Variants in NDUFB10 observed in about 807,000 individuals in gnomAD.
The protein encoded by NDUFB10 is NADH dehydrogenase [ubiquinone] 1 beta subcomplex subunit 10.
Under a neutral mutation model 19.0 loss-of-function variants are expected in NDUFB10, and 23 were observed. That is an observed-to-expected ratio of 1.21 (90% CI 0.87 to 1.71). NDUFB10 has a LOEUF of 1.71. NDUFB10 is among the 40% of genes most tolerant of loss of function. NDUFB10 has a pLI of 0.00. For missense variants in NDUFB10, 312 were observed against 230.6 expected (o/e 1.35, Z -2.29); for synonymous variants, 104 against 81.8 (o/e 1.27, Z -1.46).
Position 1,961,227 on chromosome 16 carries a change from A to T in NDUFB10, c.205A>T (p.Thr69Ser). The T allele has an allele frequency of 6.2e-7, 1 of 1,614,142 alleles. No homozygotes were observed. ...HRQYRRVPDI[T>S]ECKEEDIMCM... ...GCAGTACCGCCGCGTGCCAGACATC[A>T]CTGAGTGCAAGGAGGAGGACATCAT... The change falls in exon 2 of 4, where the codon ACT (threonine) becomes TCT (serine). Residue 69 changes from threonine to serine, a missense_variant. Coordinates refer to ENST00000268668, the MANE Select transcript of NDUFB10 (RefSeq NM_004548.3).
chr16:1,961,688 G>A (rs1305014330), intron 3 of NDUFB10, 52 bp downstream of exon 3: 29 of 1,543,800 alleles, frequency 1.9e-5, no homozygotes, highest in African/African-American at 2.7e-5. Flanking sequence ...AGGCCTGGGG[G>A]CCAGAACCAT....
Position 1,959,688 on chromosome 16 carries a change from A to C in NDUFB10, c.64A>C (p.Asn22His). ...EPPRRTPVQP[N>H]PIVYMMKAFD... ...CCCGCGCCGCACGCCGGTGCAGCCC[A>C]ATCCCATCGTCTACATGATGAAAGC... The change falls in exon 1 of 4, where the codon AAT becomes CAT. Residue 22 changes from asparagine to histidine, a missense_variant. Physicochemically the swap from Asn to His is moderately conservative, Grantham distance 68. Coordinates refer to ENST00000268668, the MANE Select transcript of NDUFB10 (RefSeq NM_004548.3). 1 of 1,613,370 alleles carries C rather than the reference A, an allele frequency of 6.2e-7. No individual in the cohort carries two copies. The highest frequency in any genetic ancestry group is 1.1e-5 in the South Asian group (1 of 91,080).
chr16:1,960,752 G>T (rs984106650), intron 1 of NDUFB10, among the ~76,000 whole-genome samples: 1 of 152,186 alleles, frequency 6.6e-6, no homozygotes, highest in East Asian at 1.9e-4. Flanking sequence ...CCGTAAGGTG[G>T]TAAGTTCTGC....
intron 1 of NDUFB10, among the ~76,000 whole-genome samples, chr16:1,960,366 C>G (rs1453005053): frequency 6.6e-6 from 1 of 152,150 alleles, no homozygotes; most frequent in South Asian, 2.1e-4. Context: ...GGATTACAGG[C>G]GCACCACCAC....
intron 1 of NDUFB10, among the ~76,000 whole-genome samples, chr16:1,960,568 G>A (rs1010177488): frequency 6.6e-6 from 1 of 152,184 alleles, no homozygotes; most frequent in South Asian, 2.1e-4. Context: ...TGCTCTGGTG[G>A]TTCTTCCGTA....
At position 1,961,581 on chromosome 16, in the gene NDUFB10, C is replaced by T. The variant is rs1476319853; in HGVS notation, c.354C>T (p.Asn118=). ...QQREGQNYQQ[N]CIKEVEQFTQ... Reference sequence around the variant, plus strand: ...GGGAAGGACAGAACTACCAGCAGAACTGTATCAAGGAAGTGGAGCAGTTCA... The same window carrying T: ...GGGAAGGACAGAACTACCAGCAGAATTGTATCAAGGAAGTGGAGCAGTTCA... Residue 118 remains asparagine, a synonymous_variant, in exon 3 of 4, where the codon AAC becomes AAT. Transcript: ENST00000268668. The T allele has an allele frequency of 2.5e-6, 4 of 1,613,986 alleles. No individual in the cohort carries two copies. In the African/African-American group the frequency reaches 5.3e-5, roughly 22 times the overall value.
At chr16:1,961,774 G>C (rs2083258123) in intron 3 of NDUFB10, 23 bp from the exon 4 acceptor site, 5 of 1,549,356 alleles carry the variant, frequency 3.2e-6, no homozygotes, top group Middle Eastern at 1.7e-4. Context: ...TCGGTTCCCA[G>C]CTTGTTTCCA....
At chr16:1,961,354 G>A in intron 2 of NDUFB10, 63 bp downstream of exon 2, 1 of 1,607,052 alleles carries the variant, frequency 6.2e-7, no homozygotes, top group Middle Eastern at 1.7e-4. Context: ...ACTAGTCCCT[G>A]GGATGCCACA....
At position 1,961,907 on chromosome 16, in the gene NDUFB10, G is replaced by A; in HGVS notation, c.*1G>A. ...AGAGGCCGCCGCTGCCACCTCCTGA[G>A]GCAGCTGTGGGTGCCCCTGCTGTGT... On this transcript the variant is annotated 3_prime_UTR_variant, in exon 4 of 4. Transcript: ENST00000268668. The A allele has an allele frequency of 6.4e-7, 1 of 1,556,518 alleles. No individual in the cohort carries two copies. The highest frequency in any genetic ancestry group is 8.7e-7 in the Non-Finnish European group (1 of 1,149,432).
At chr16:1,960,831 C>T (rs374828816) in intron 1 of NDUFB10, among the ~76,000 whole-genome samples, 81 of 152,354 alleles carry the variant, frequency 5.3e-4, no homozygotes, top group African/African-American at 1.8e-3. Flanking sequence ...GGGGGAGGTG[C>T]ACTGGCAGAG....
chr16:1,959,768 GC>G lies in NDUFB10; in HGVS notation c.130+17del. The G allele has an allele frequency of 6.2e-7, 1 of 1,612,512 alleles. No individual in the cohort carries two copies. ...CCCTCGTGAGAGGTACGAAGCCCCA[GC>G]CCGGGGCTCCCTCGCCGGCCTCTGG... On this transcript the variant is annotated intron_variant, in intron 1 of 3. Transcript: ENST00000268668.
intron 1 of NDUFB10, among the ~76,000 whole-genome samples, chr16:1,960,349 A>G (rs1395054481): frequency 2.6e-5 from 4 of 151,306 alleles, no homozygotes; most frequent in Admixed American, 6.6e-5. Flanking sequence ...CAGCCTCCCC[A>G]GTACTAGGAT....
rs1177050531 is a variant in NDUFB10, at chr16:1,961,848, G to A, written c.461G>A (p.Arg154Lys). 1.9e-6 allele frequency: 3 copies of A among 1,564,864 alleles called. No individual in the cohort carries two copies. In the East Asian group the frequency reaches 7.1e-5, roughly 37 times the overall value. Residue 154 changes from arginine to lysine, a missense_variant, in exon 4 of 4, where the codon AGG becomes AAG. By Grantham distance (26) the Arg-to-Lys change is conservative (BLOSUM62 2). Transcript: ENST00000268668. ...SSARKCLAKQ[R>K]QRMLQERKAA... ...GCCAGGAAGTGCCTGGCCAAACAGA[G>A]GCAGAGGATGCTGCAAGAGAGAAAA...
In NDUFB10 at chr16:1,961,784, A is replaced by C; in HGVS notation, c.410-13A>C. On this transcript the variant is annotated splice_polypyrimidine_tract_variant and intron_variant, in intron 3 of 3. Transcript: ENST00000268668. ...AGGCCTCGGTTCCCAGCTTGTTTCC[A>C]TTGCTTCCCCAGATCAGGACCTGGG... The C allele has an allele frequency of 6.4e-7, 1 of 1,550,982 alleles. No homozygotes were observed. Among genetic ancestry groups the C allele is most frequent in the Non-Finnish European group, 8.7e-7 (1 of 1,146,358 alleles).
Position 1,961,279 on chromosome 16 carries a change from G to T in NDUFB10, c.257G>T (p.Trp86Leu). The change falls in exon 2 of 4, where the codon TGG (tryptophan) becomes TTG (leucine). Residue 86 changes from tryptophan (W) to leucine (L), a missense_variant. Physicochemically the swap from Trp to Leu is moderately conservative, Grantham distance 61 (BLOSUM62 -2). Transcript: ENST00000268668. ...TGCATGTATGAAGCCGAAATGCAGT[G>T]GAAGAGGGACTAGTACGTGAGCCAT... ...IMCMYEAEMQWKRDYKVDQEI... is the reference protein window; with the variant it reads ...IMCMYEAEMQLKRDYKVDQEI... 1 of 1,613,984 alleles carries T rather than the reference G, an allele frequency of 6.2e-7. No homozygotes were observed. The highest frequency in any genetic ancestry group is 8.5e-7 in the Non-Finnish European group (1 of 1,180,024).
Position 1,961,844 on chromosome 16 carries a change from C to CAG in NDUFB10, c.460_461dup (p.Gln155GlyfsTer38). 6.4e-7 allele frequency: 1 copy of CAG among 1,564,316 alleles called. No individual in the cohort carries two copies. The highest frequency in any genetic ancestry group is 8.7e-7 in the Non-Finnish European group (1 of 1,153,846). On this transcript the variant is annotated frameshift_variant, in exon 4 of 4. Coordinates refer to ENST00000268668, the MANE Select transcript of NDUFB10 (RefSeq NM_004548.3). LOFTEE classifies it high-confidence loss of function. ...TTCTGCCAGGAAGTGCCTGGCCAAACAGAGGCAGAGGATGCTGCAAGAGAG... is the reference window on the plus strand; with the variant it reads ...TTCTGCCAGGAAGTGCCTGGCCAAACAGAGAGGCAGAGGATGCTGCAAGAGAG...
chr16:1,961,775 C>G (rs1254936062), intron 3 of NDUFB10, 22 bp from the exon 4 acceptor site: 1 of 1,549,194 alleles, frequency 6.5e-7, no homozygotes, highest in African/African-American at 1.4e-5. Flanking sequence ...CGGTTCCCAG[C>G]TTGTTTCCAT....
At chr16:1,960,085 C>A (rs338791) in intron 1 of NDUFB10, among the ~76,000 whole-genome samples, 22,638 of 152,142 alleles carry the variant, frequency 0.15, 1,889 homozygotes, top group South Asian at 0.3. Flanking sequence ...CCGCCCCGGG[C>A]ACCCCTCCAC....
In NDUFB10 at chr16:1,961,926, G is replaced by C. The variant is rs372422108; in HGVS notation, c.*20G>C. The stretch of plus-strand genomic sequence containing the variant: ...TCCTGAGGCAGCTGTGGGTGCCCCT[G>C]CTGTGTGGCTCTGTATGACTGTTGC... On this transcript the variant is annotated 3_prime_UTR_variant, in exon 4 of 4. Coordinates refer to ENST00000268668, the MANE Select transcript of NDUFB10 (RefSeq NM_004548.3). 6.5e-7 allele frequency: 1 copy of C among 1,545,728 alleles called. No homozygotes were observed. The highest frequency in any genetic ancestry group is 1.2e-5 in the South Asian group (1 of 84,240).
Sources: gnomAD v4.1 joint callset for allele counts (sites outside exome capture counted in the v4.1 genomes callset) on GRCh38, gnomAD v4.1.1 for gene constraint, MANE v1.5 for transcripts, NCBI Gene and HGNC (gene_info 2026-07-23, HGNC 2026-07-21) for gene names.